The following RBFOX1 variants were observed in gnomAD, a reference collection of about 807,000 sequenced individuals.
RBFOX1 encodes RNA binding fox-1 homolog 1.
In RBFOX1, 8 loss-of-function variants were observed where a neutral mutation model predicts 57.7. The observed-to-expected ratio is 0.14, with a 90% CI of 0.08 to 0.25. RBFOX1 has a LOEUF of 0.25. Among genes scored for constraint, RBFOX1 ranks in the 10% least tolerant of loss-of-function variants. The probability of loss-of-function intolerance (pLI) is 1.00; values close to 1 mark genes in which losing one functional copy is unlikely to be tolerated. For missense variants in RBFOX1, 611 were observed against 548.5 expected, an observed-to-expected ratio of 1.11 and a Z score of -1.14; for synonymous variants, 326 against 222.4, an observed-to-expected ratio of 1.47 and a Z score of -4.15.
At chr16:6,983,986 C>T (rs1467211492) in intron 3 of RBFOX1, among the ~76,000 whole-genome samples, 2 of 152,052 alleles carry the variant, frequency 1.3e-5, no homozygotes, top group African/African-American at 4.8e-5. Context: ...GGTGGCTGAA[C>T]CCTGTAATTC....
Position 5,727,788 on chromosome 16 carries a change from C to T in RBFOX1, c.318+128827C>T, listed in dbSNP as rs574292367. On this transcript the variant is annotated intron_variant, in intron 3 of 19. Transcript: ENST00000641259. ...CTGCAGCCTCAAACTTCTGGATTCA[C>T]GTGATCCTCCTGCCTCAGCCTGCTG... is the stretch of plus-strand genomic sequence containing the variant. Among the ~76,000 whole-genome samples the T allele has an allele frequency of 9.9e-5, 15 of 152,192 alleles. No individual in the cohort carries two copies. The South Asian group carries it at 3.1e-3, about 32-fold the overall frequency.
intron 4 of RBFOX1, among the ~76,000 whole-genome samples, chr16:5,938,617 G>C (rs1011859855): frequency 6.6e-6 from 1 of 152,108 alleles, no homozygotes; most frequent in Non-Finnish European, 1.5e-5. Context: ...AACTTGATTT[G>C]GCTAATAGGA....
At chr16:6,301,699 T>C (rs2078836209) in intron 1 of RBFOX1, among the ~76,000 whole-genome samples, 1 of 152,126 alleles carries the variant, frequency 6.6e-6, no homozygotes, top group Non-Finnish European at 1.5e-5. Flanking sequence ...AAAAACAGTT[T>C]AGGGGAGTGC....
In RBFOX1 at chr16:6,371,181, G is replaced by C. The variant is rs961227690; in HGVS notation, c.-64+54124G>C. Among the ~76,000 whole-genome samples the C allele has an allele frequency of 3.8e-4, 58 of 152,202 alleles. 1 individual carries two copies. The highest frequency in any genetic ancestry group is 2.1e-3 in the Admixed American group (32 of 15,290). On this transcript the variant is annotated intron_variant, in intron 2 of 15. Transcript: ENST00000550418. ...CTCACTGTAATTAATACATAGTTTGGGGGTGGGAGGAATGGTTTTAGACTT... is the reference window on the plus strand; with the variant it reads ...CTCACTGTAATTAATACATAGTTTGCGGGTGGGAGGAATGGTTTTAGACTT...
rs540294884 is a variant in RBFOX1, at chr16:6,522,749, T to C, written c.-63-131854T>C. Among the ~76,000 whole-genome samples the C allele has an allele frequency of 2.0e-5, 3 of 152,278 alleles. No individual in the cohort carries two copies. In the South Asian group the frequency reaches 6.2e-4, roughly 32 times the overall value. On this transcript the variant is annotated intron_variant, in intron 2 of 15. Coordinates refer to ENST00000550418, the MANE Select transcript of RBFOX1 (RefSeq NM_018723.4). The stretch of plus-strand genomic sequence containing the variant: ...TAAAGGAGACTGAATTGTGTCTTCT[T>C]CTGCTTAACCCATTTTTATGCCTTC...
chr16:7,309,141 A>T (rs1326268618), intron 4 of RBFOX1, among the ~76,000 whole-genome samples: 1 of 152,210 alleles, frequency 6.6e-6, no homozygotes, highest in African/African-American at 2.4e-5. Context: ...AAGGTCCCTC[A>T]GTCTCTTTCT....
At chr16:6,081,974 G>A (rs2096008178) in intron 1 of RBFOX1, among the ~76,000 whole-genome samples, 1 of 152,116 alleles carries the variant, frequency 6.6e-6, no homozygotes, top group Admixed American at 6.5e-5. Context: ...TAGTCACATG[G>A]TGTGTGGTTA....
At chr16:6,979,924 C>G (rs2088220293) in intron 3 of RBFOX1, among the ~76,000 whole-genome samples, 1 of 152,142 alleles carries the variant, frequency 6.6e-6, no homozygotes, top group Non-Finnish European at 1.5e-5. Context: ...AGAGATGGAA[C>G]TGCCAGTTTC....
At chr16:5,468,229 A>T (rs2069014395) in intron 2 of RBFOX1, among the ~76,000 whole-genome samples, 1 of 152,228 alleles carries the variant, frequency 6.6e-6, no homozygotes. Context: ...TTTTCAAATG[A>T]ACAATTGAGA....
intron 6 of RBFOX1, among the ~76,000 whole-genome samples, chr16:7,581,279 C>A (rs906166465): frequency 2.0e-5 from 3 of 152,152 alleles, no homozygotes; most frequent in African/African-American, 4.8e-5. Context: ...TACCCTCGGG[C>A]ACTTTCAGGT....
At chr16:6,454,593 A>G (rs117971985) in intron 2 of RBFOX1, among the ~76,000 whole-genome samples, 4,093 of 152,226 alleles carry the variant, frequency 0.027, 93 homozygotes, top group South Asian at 0.06. Context: ...ACAAACAAAA[A>G]ACACCTTAAA....
intron 1 of RBFOX1, among the ~76,000 whole-genome samples, chr16:5,464,785 G>A (rs1195285097): frequency 6.6e-6 from 1 of 152,322 alleles, no homozygotes; most frequent in East Asian, 1.9e-4. Context: ...AAGAAAGGAG[G>A]CAATAGAGAA....
intron 11 of RBFOX1, among the ~76,000 whole-genome samples, chr16:7,636,564 T>C (rs2061791349): frequency 6.6e-6 from 1 of 152,202 alleles, no homozygotes; most frequent in African/African-American, 2.4e-5. Context: ...GGCAAATGTA[T>C]CTGTCTTTTC....
chr16:7,223,093 A>G (rs988650846), intron 4 of RBFOX1, among the ~76,000 whole-genome samples: 1 of 152,202 alleles, frequency 6.6e-6, no homozygotes, highest in Non-Finnish European at 1.5e-5. Context: ...AGCCTGGGAG[A>G]CTAGCAACTG....
intron 3 of RBFOX1, among the ~76,000 whole-genome samples, chr16:6,882,681 A>G (rs896460610): frequency 6.6e-5 from 10 of 152,284 alleles, no homozygotes; most frequent in African/African-American, 2.4e-4. Flanking sequence ...CATTGGCTGT[A>G]TGGATAACAA....
At chr16:5,532,199 C>T (rs910430149) in intron 2 of RBFOX1, among the ~76,000 whole-genome samples, 1 of 152,180 alleles carries the variant, frequency 6.6e-6, no homozygotes, top group Non-Finnish European at 1.5e-5. Context: ...TTGTCTTGCA[C>T]CTTGCAGGAT....
intron 4 of RBFOX1, among the ~76,000 whole-genome samples, chr16:7,118,921 T>G (rs1435816909): frequency 6.6e-6 from 1 of 152,136 alleles, no homozygotes; most frequent in East Asian, 1.9e-4. Flanking sequence ...ATGATATGAT[T>G]TTTAGGAACA....
At chr16:5,746,239 A>C (rs1392131854) in intron 3 of RBFOX1, among the ~76,000 whole-genome samples, 1 of 152,216 alleles carries the variant, frequency 6.6e-6, no homozygotes, top group Non-Finnish European at 1.5e-5. Context: ...GTCAAAGATC[A>C]GATGGTTGTA....
At chr16:6,901,316 C>A (rs893289614) in intron 3 of RBFOX1, among the ~76,000 whole-genome samples, 1 of 152,180 alleles carries the variant, frequency 6.6e-6, no homozygotes, top group Non-Finnish European at 1.5e-5. Flanking sequence ...TTTAGCAACA[C>A]GGCAAGTCAA....
Sources: allele counts gnomAD v4.1 joint callset (sites outside exome capture counted in the v4.1 genomes callset), GRCh38; gene constraint gnomAD v4.1.1; transcripts MANE v1.5; gene names NCBI Gene and HGNC (gene_info 2026-07-23, HGNC 2026-07-21).